The following ZNF467 variants were observed in gnomAD, a reference collection of about 807,000 sequenced individuals.
ZNF467 encodes zinc finger protein EZI.
ZNF467 carries 51 observed loss-of-function variants against 47.8 expected under a neutral mutation model. The ratio of observed to expected loss-of-function variants is 1.07; its 90% CI spans 0.85 to 1.35. The LOEUF is 1.35. ZNF467 is among the 40% of genes most tolerant of loss of function. The pLI, the probability that ZNF467 is intolerant of heterozygous loss-of-function variation, is 0.00. For synonymous variants in ZNF467, 416 were observed against 372.9 expected, an observed-to-expected ratio of 1.12 and a Z score of -1.33; for missense variants, 992 against 858.1, an observed-to-expected ratio of 1.16 and a Z score of -1.95.
intron 4 of ZNF467, among the ~76,000 whole-genome samples, chr7:149,767,084 G>C (rs1229991491): frequency 1.3e-5 from 2 of 152,192 alleles, no homozygotes; most frequent in African/African-American, 2.4e-5. Context: ...AGGAGCCCGG[G>C]GTCCAGACGG....
Position 149,765,841 on chromosome 7 carries a change from A to G in ZNF467, c.661T>C (p.Cys221Arg), listed in dbSNP as rs1337056805. 1.2e-6 allele frequency: 2 copies of G among 1,608,060 alleles called. No individual in the cohort carries two copies. The highest frequency in any genetic ancestry group is 4.5e-5 in the East Asian group (2 of 44,566). The change falls in exon 5 of 5, where the codon TGC (cysteine) becomes CGC (arginine). Residue 221 changes from cysteine to arginine, a missense_variant. Physicochemically the swap from Cys to Arg is radical, Grantham distance 180. Transcript: ENST00000302017. ...GCCTTCTTGCTGAAGCGCTTGTCGCACTCGGAGCACGGGAAAGGCCGCTCG... is the reference window on the plus strand; with the variant it reads ...GCCTTCTTGCTGAAGCGCTTGTCGCGCTCGGAGCACGGGAAAGGCCGCTCG... ...RGERPFPCSE[C>R]DKRFSKKAHL... is the part of the protein sequence containing the mutation.
rs1173785819 is a variant in ZNF467 at position 149,765,098 on chromosome 7, G to C, written c.1404C>G (p.Phe468Leu). The change falls in exon 5 of 5, where the codon TTC becomes TTG. Residue 468 changes from phenylalanine (F) to leucine (L), a missense_variant. Physicochemically the swap from Phe to Leu is conservative, Grantham distance 22. Transcript: ENST00000302017. ...GGGCGACCAGATTAGGCCGCGAGCC[G>C]AAGCGGCGGTCACACTGCGTGCAGG... ...PFACTQCDRR[F>L]GSRPNLVAHS... 3 of 1,467,242 alleles carry C rather than the reference G, an allele frequency of 2.0e-6. No homozygotes were observed. Among genetic ancestry groups the C allele is most frequent in the East Asian group, 2.7e-5 (1 of 37,052 alleles). 90.9% of individuals were successfully genotyped at this position (1,467,242 alleles called of 1,614,324 possible). A position where few individuals can be genotyped will look rare whatever the true frequency, so the allele number is the denominator to read the frequency against.
At position 149,771,021 on chromosome 7, in the gene ZNF467, G is replaced by C. The variant is rs745529397; in HGVS notation, c.12C>G (p.Thr4=). 5 of 1,613,926 alleles carry C rather than the reference G, an allele frequency of 3.1e-6. No homozygotes were observed. In the East Asian group the frequency reaches 1.1e-4, roughly 36 times the overall value. MRE[T]LEALSSLGFS... ...CACCCAGGGAGCTGAGGGCCTCCAAGGTCTCTCTCATGGTAACCCAGAGTA... is the reference window on the plus strand; with the variant it reads ...CACCCAGGGAGCTGAGGGCCTCCAACGTCTCTCTCATGGTAACCCAGAGTA... Residue 4 remains threonine (T), a synonymous_variant, in exon 2 of 5, where the codon ACC becomes ACG. Transcript: ENST00000302017.
chr7:149,768,612 T>C (rs1314675126), intron 4 of ZNF467, among the ~76,000 whole-genome samples: 1 of 152,130 alleles, frequency 6.6e-6, no homozygotes, highest in African/African-American at 2.4e-5. Context: ...GGTGGGATTG[T>C]TGAGAGAGAG....
In ZNF467 at chr7:149,765,975, C is replaced by T; in HGVS notation, c.527G>A (p.Arg176Gln). 4.5e-6 allele frequency: 7 copies of T among 1,554,656 alleles called. No homozygotes were observed. Among genetic ancestry groups the T allele is most frequent in the Non-Finnish European group, 6.1e-6 (7 of 1,149,974 alleles). The stretch of plus-strand genomic sequence containing the variant: ...GCCCCGGTGCAGCCGCTGGTGCAGT[C>T]GCAACGTCAGCTGGTCCCGGAAGCG... ...ERRFRDQLTL[R>Q]LHQRLHRGEG... Residue 176 changes from arginine (R) to glutamine (Q), a missense_variant, in exon 5 of 5, where the codon CGA (arginine) becomes CAA (glutamine). Physicochemically the swap from Arg to Gln is conservative, Grantham distance 43. Coordinates refer to ENST00000302017, the MANE Select transcript of ZNF467 (RefSeq NM_207336.3).
At position 149,764,900 on chromosome 7, in the gene ZNF467, C is replaced by T. The variant is rs1197455104; in HGVS notation, c.1602G>A (p.Gln534=). The T allele has an allele frequency of 6.4e-7, 1 of 1,564,782 alleles. No individual in the cohort carries two copies. Among genetic ancestry groups the T allele is most frequent in the Non-Finnish European group, 8.6e-7 (1 of 1,158,350 alleles). ...FSSKTNLVRH[Q]AIHTGSRPFS... ...AGGGGCGGGAGCCTGTGTGGATCGC[C>T]TGGTGGCGGACTAGGTTGGTTTTGG... Residue 534 remains glutamine, a synonymous_variant, in exon 5 of 5, where the codon CAG becomes CAA. Transcript: ENST00000302017.
chr7:149,766,365 G>A (rs1329518598), intron 4 of ZNF467, 126 bp from the exon 5 acceptor site: 8 of 1,430,552 alleles, frequency 5.6e-6, no homozygotes, highest in Admixed American at 2.9e-5. Context: ...AACGCTTCCC[G>A]GGAGTGACCA....
At position 149,766,050 on chromosome 7, in the gene ZNF467, C is replaced by T. The variant is rs758050320; in HGVS notation, c.452G>A (p.Gly151Glu). ...GGGCTTCTCCGGCATCGGACCCCACCCAGACAGCGCGAGCCCACTCAGTGC... is the reference window on the plus strand; with the variant it reads ...GGGCTTCTCCGGCATCGGACCCCACTCAGACAGCGCGAGCCCACTCAGTGC... ...PGALSGLALS[G>E]WGPMPEKPYG... Residue 151 changes from glycine (G) to glutamate (E), a missense_variant, in exon 5 of 5, where the codon GGG (glycine) becomes GAG (glutamate). By Grantham distance (98) the Gly-to-Glu change is moderately conservative (BLOSUM62 -2). Transcript: ENST00000302017. 3 of 1,603,790 alleles carry T rather than the reference C, an allele frequency of 1.9e-6. No individual in the cohort carries two copies. Among genetic ancestry groups the T allele is most frequent in the Non-Finnish European group, 2.6e-6 (3 of 1,175,148 alleles).
In ZNF467 at chr7:149,765,005, C is replaced by A; in HGVS notation, c.1497G>T (p.Lys499Asn). 1 of 1,587,874 alleles carries A rather than the reference C, an allele frequency of 6.3e-7. No individual in the cohort carries two copies. Among genetic ancestry groups the A allele is most frequent in the Non-Finnish European group, 8.5e-7 (1 of 1,172,898 alleles). Residue 499 changes from lysine (K) to asparagine (N), a missense_variant, in exon 5 of 5, where the codon AAG (lysine) becomes AAT (asparagine). Transcript: ENST00000302017. ...CAQCGRRFSR[K>N]SHLGRHQAVH... The stretch of plus-strand genomic sequence containing the variant: ...CCGCCTGGTGGCGGCCCAGGTGCGA[C>A]TTGCGGCTGAAGCGGCGGCCGCACT...
Position 149,765,747 on chromosome 7 carries a change from C to A in ZNF467, c.755G>T (p.Arg252Leu). Residue 252 changes from arginine (R) to leucine (L), a missense_variant, in exon 5 of 5, where the codon CGC (arginine) becomes CTC (leucine). By Grantham distance (102) the Arg-to-Leu change is moderately radical (BLOSUM62 -2). Coordinates refer to ENST00000302017, the MANE Select transcript of ZNF467 (RefSeq NM_207336.3). ...RPYPCAECGK[R>L]FSQKIHLGSH... ...GCCCAGGTGGATCTTCTGGCTGAAG[C>A]GCTTGCCGCACTCCGCGCACGGGTA... 2 of 1,613,246 alleles carry A rather than the reference C, an allele frequency of 1.2e-6. No individual in the cohort carries two copies. Among genetic ancestry groups the A allele is most frequent in the South Asian group, 1.1e-5 (1 of 90,974 alleles).
At chr7:149,775,675 G>C (rs1350000764), upstream of ZNF467, among the ~76,000 whole-genome samples, 1 of 150,688 alleles carries the variant, frequency 6.6e-6, no homozygotes, top group East Asian at 2.0e-4. Context: ...AGAGCCCCAT[G>C]TTAATTTGTG....
chr7:149,766,022 G>A lies in ZNF467; in HGVS notation c.480C>T (p.Tyr160=), dbSNP rs375440597. The part of the protein sequence containing the change: ...SGWGPMPEKP[Y]GCGECERRFR... The stretch of plus-strand genomic sequence containing the variant: ...AGCGCCGCTCACACTCCCCGCAGCC[G>A]TAGGGCTTCTCCGGCATCGGACCCC... Residue 160 remains tyrosine (Y), a synonymous_variant, in exon 5 of 5, where the codon TAC becomes TAT. Transcript: ENST00000302017. 410 of 1,582,398 alleles carry A rather than the reference G, an allele frequency of 2.6e-4. No individual in the cohort carries two copies. The highest frequency in any genetic ancestry group is 3.3e-4 in the Middle Eastern group (2 of 6,040).
intron 1 of ZNF467, 122 bp from the exon 2 acceptor site, chr7:149,771,196 C>A: frequency 1.4e-6 from 1 of 733,190 alleles, no homozygotes; most frequent in South Asian, 1.8e-5. Flanking sequence ...TCCCCAGGTA[C>A]AGCTGGGGGA....
intron 4 of ZNF467, among the ~76,000 whole-genome samples, chr7:149,768,220 T>G (rs1050588014): frequency 3.3e-5 from 5 of 152,248 alleles, no homozygotes; most frequent in African/African-American, 1.2e-4. Context: ...TAAGGTCATC[T>G]CAACCAGATT....
In ZNF467 at chr7:149,771,092, C is replaced by A. The variant is rs548573403; in HGVS notation, c.-42-18G>T. 2 of 1,610,844 alleles carry A rather than the reference C, an allele frequency of 1.2e-6. No individual in the cohort carries two copies. The highest frequency in any genetic ancestry group is 1.7e-6 in the Non-Finnish European group (2 of 1,177,352). On this transcript the variant is annotated intron_variant, in intron 1 of 4. Transcript: ENST00000302017. ...CACAGAACCTATGGAGAAAAGACAG[C>A]CTTGTTCAGATTTTTCCCACGCCAG...
At chr7:149,776,480 G>A (rs369875598), upstream of ZNF467, 12 of 1,328,152 alleles carry the variant, frequency 9.0e-6, no homozygotes, top group African/African-American at 3.0e-5. Flanking sequence ...TGGAGTGGCC[G>A]CTCGGGGCTT....
chr7:149,766,736 C>T (rs1329519689), intron 4 of ZNF467, among the ~76,000 whole-genome samples: 3 of 152,216 alleles, frequency 2.0e-5, no homozygotes, highest in African/African-American at 7.2e-5. Flanking sequence ...ACTAGAGCCT[C>T]CTTCCCTGGT....
upstream of ZNF467, among the ~76,000 whole-genome samples, chr7:149,774,424 A>C (rs1265275507): frequency 6.6e-6 from 1 of 152,142 alleles, no homozygotes; most frequent in African/African-American, 2.4e-5. The surrounding 1 kb of genome is among the most constrained non-coding windows in gnomAD (Gnocchi z 5.7). Context: ...GGGTGACTGC[A>C]ACTCGGGTCT....
upstream of ZNF467, chr7:149,776,385 G>A: frequency 7.3e-7 from 1 of 1,363,852 alleles, no homozygotes; most frequent in Non-Finnish European, 9.8e-7. Context: ...GTGTGGAGGA[G>A]GAAGTGGCAC....
Sources: gnomAD v4.1 joint callset for allele counts (sites outside exome capture counted in the v4.1 genomes callset) on GRCh38, gnomAD v4.1.1 for gene constraint, Gnocchi (gnomAD v3.1) non-coding constraint, MANE v1.5 for transcripts, NCBI Gene and HGNC (gene_info 2026-07-23, HGNC 2026-07-21) for gene names.